BCO1: variants seen among roughly 807,000 people sequenced by gnomAD.
BCO1 encodes the protein beta-carotene oxygenase 1, also known as beta,beta-carotene 15,15'-dioxygenase.
BCO1 carries 54 observed loss-of-function variants against 56.3 expected under a neutral mutation model. That is an observed-to-expected ratio of 0.96 (90% CI 0.77 to 1.20). The LOEUF (loss-of-function observed/expected upper bound fraction) is 1.20, where lower values mean the gene tolerates loss of function less well. Among genes scored for constraint, BCO1 ranks in the 50% most tolerant of loss-of-function variants. The pLI is 0.00. For synonymous variants in BCO1, 318 were observed against 266.1 expected (o/e 1.20, Z -1.90); for missense variants, 801 against 690.9 (o/e 1.16, Z -1.79).
At chr16:81,281,976 CATG>C (rs1417324120) in intron 8 of BCO1, among the ~76,000 whole-genome samples, 1 of 152,242 alleles carries the variant, frequency 6.6e-6, no homozygotes, top group Non-Finnish European at 1.5e-5. Flanking sequence ...ATCAGCAGCA[CATG>C]ACACAAAGGC....
At chr16:81,275,872 C>T (rs1444709366) in intron 7 of BCO1, among the ~76,000 whole-genome samples, 3 of 151,968 alleles carry the variant, frequency 2.0e-5, no homozygotes, top group South Asian at 2.1e-4. Context: ...GGCCTGTTTA[C>T]GCAGGGCGGT....
At chr16:81,253,618 C>T (rs764726102) in intron 2 of BCO1, among the ~76,000 whole-genome samples, 1 of 152,114 alleles carries the variant, frequency 6.6e-6, no homozygotes, top group Admixed American at 6.6e-5. Context: ...GGCTCCTAAC[C>T]GTTCCTCCAT....
Position 81,270,509 on chromosome 16 carries a change from C to T in BCO1, c.1101+93C>T. The T allele has an allele frequency of 2.6e-6, 4 of 1,526,394 alleles. No homozygotes were observed. In the South Asian group the frequency reaches 3.4e-5, roughly 13 times the overall value. 94.6% of individuals were successfully genotyped at this position (1,526,394 alleles called of 1,614,324 possible). Reference sequence around the variant, plus strand: ...GCCCTTATTTGATTGACATTGAAATCCAAATGAACTGTTCTTGAAAAAAAA... The same window carrying T: ...GCCCTTATTTGATTGACATTGAAATTCAAATGAACTGTTCTTGAAAAAAAA... On this transcript the variant is annotated intron_variant, in intron 7 of 10. Transcript: ENST00000258168.
chr16:81,277,065 CAAAAA>C (rs34671497), intron 7 of BCO1, among the ~76,000 whole-genome samples: 1 of 95,374 alleles, frequency 1.0e-5, no homozygotes, highest in Non-Finnish European at 2.1e-5. Context: ...GACTCGGTCT[CAAAAA>C]AAAAAAAAAA....
Position 81,268,075 on chromosome 16 carries a change from G to T in BCO1, c.787G>T (p.Ala263Ser). The change falls in exon 6 of 11, where the codon GCA (alanine) becomes TCA (serine). Residue 263 changes from alanine (A) to serine (S), a missense_variant. Coordinates refer to ENST00000258168, the MANE Select transcript of BCO1 (RefSeq NM_017429.3). ...GTTGGATATTCTCAAGATGGCAACC[G>T]CATACATCCGGAGAATGAGCTGGGC... Reference protein sequence around the residue: ...FRLDILKMATAYIRRMSWASC... With the variant: ...FRLDILKMATSYIRRMSWASC... 1.2e-6 allele frequency: 2 copies of T among 1,612,816 alleles called. No homozygotes were observed. The highest frequency in any genetic ancestry group is 1.7e-6 in the Non-Finnish European group (2 of 1,180,008).
rs1904969936 is a variant in BCO1, at chr16:81,238,727, A to T, written c.-182A>T. 1.5e-6 allele frequency: 1 copy of T among 673,704 alleles called. No homozygotes were observed. Among genetic ancestry groups the T allele is most frequent in the Non-Finnish European group, 2.7e-6 (1 of 365,346 alleles). 41.7% of individuals were successfully genotyped at this position (673,704 alleles called of 1,614,324 possible). A position where few individuals can be genotyped will look rare whatever the true frequency, so the allele number is the denominator to read the frequency against. ...GATCCAGGGCTCTTGGAGAGGGACA[A>T]GTGAGAGCCAGCCAAAAAGGAAAAA... On this transcript the variant is annotated 5_prime_UTR_variant, in exon 1 of 11. It adds an upstream start codon to the 5' untranslated region. Transcript: ENST00000258168.
chr16:81,262,160 C>T lies in BCO1; in HGVS notation c.348C>T (p.Thr116=), dbSNP rs759672104. ...FSKAFSYLSH[T]IPDFTDNCLI... Reference sequence around the variant, plus strand: ...GAGCTTTCTCCTACTTGTCTCACACCATCCCCGATTTCACCGACAACTGCC... The same window carrying T: ...GAGCTTTCTCCTACTTGTCTCACACTATCCCCGATTTCACCGACAACTGCC... The change falls in exon 4 of 11, where the codon ACC becomes ACT. Residue 116 remains threonine (T), a synonymous_variant. Transcript: ENST00000258168. 3 of 1,614,004 alleles carry T rather than the reference C, an allele frequency of 1.9e-6. No homozygotes were observed. In the South Asian group the frequency reaches 3.3e-5, roughly 18 times the overall value.
At chr16:81,256,141 C>T (rs771441993) in intron 2 of BCO1, among the ~76,000 whole-genome samples, 1 of 151,336 alleles carries the variant, frequency 6.6e-6, no homozygotes, top group African/African-American at 2.4e-5. Flanking sequence ...CCAGCGAATG[C>T]ATTTCTGGTT....
chr16:81,282,389 AAAAAAC>A (rs1257798869), intron 8 of BCO1, among the ~76,000 whole-genome samples: 2 of 152,120 alleles, frequency 1.3e-5, no homozygotes, highest in African/African-American at 4.8e-5. Context: ...AACAAAAAAC[AAAAAAC>A]AAAAACAAAA....
In BCO1 at chr16:81,244,752, G is replaced by A. The variant is rs149134879; in HGVS notation, c.65-723G>A. Among the ~76,000 whole-genome samples, 552 of 143,652 alleles carry A rather than the reference G, an allele frequency of 3.8e-3. 2 individuals are homozygous for A. The highest frequency in any genetic ancestry group is 0.013 in the African/African-American group (509 of 38,024). 94.2% of individuals were successfully genotyped at this position (143,652 alleles called of 152,430 possible). ...TTTTTTTTTTAATTTTTTGAGACAA[G>A]GTCTTGCTCTGTTGCCCAGGCTGGA... On this transcript the variant is annotated intron_variant, in intron 1 of 10. Coordinates refer to ENST00000258168, the MANE Select transcript of BCO1 (RefSeq NM_017429.3).
chr16:81,250,817 G>A (rs1228170354), intron 2 of BCO1, among the ~76,000 whole-genome samples: 3 of 152,138 alleles, frequency 2.0e-5, no homozygotes, highest in Admixed American at 6.6e-5. Flanking sequence ...CTGACCTCAG[G>A]TGATCCACTT....
At chr16:81,266,788 G>A (rs9936743) in intron 5 of BCO1, among the ~76,000 whole-genome samples, 7 of 152,096 alleles carry the variant, frequency 4.6e-5, no homozygotes, top group South Asian at 4.1e-4. Flanking sequence ...CCATGCTGGC[G>A]GTGGCACTGC....
At chr16:81,246,353 A>T (rs1256140063) in intron 2 of BCO1, among the ~76,000 whole-genome samples, 1 of 152,146 alleles carries the variant, frequency 6.6e-6, no homozygotes, top group Non-Finnish European at 1.5e-5. Flanking sequence ...CACACATTCA[A>T]CAGGTTCTAG....
chr16:81,261,787 G>T, intron 3 of BCO1: 1 of 309,174 alleles, frequency 3.2e-6, no homozygotes, highest in Non-Finnish European at 6.3e-6. Context: ...TTTCGCCCAG[G>T]CTGGAGTGTA....
chr16:81,289,156 C>T (rs151109105), intron 10 of BCO1, among the ~76,000 whole-genome samples: 37 of 152,308 alleles, frequency 2.4e-4, no homozygotes, highest in African/African-American at 7.0e-4. Context: ...CTGACCTCAA[C>T]GATGCTCAAC....
chr16:81,245,288 T>C (rs183212030), intron 1 of BCO1, among the ~76,000 whole-genome samples, 187 bp from the exon 2 acceptor site: 2 of 152,340 alleles, frequency 1.3e-5, no homozygotes, highest in Non-Finnish European at 2.9e-5. Flanking sequence ...GTCTCCATCT[T>C]GGTATCCTCA....
At chr16:81,261,065 T>C (rs1341912819) in intron 3 of BCO1, among the ~76,000 whole-genome samples, 1 of 152,178 alleles carries the variant, frequency 6.6e-6, no homozygotes, top group East Asian at 1.9e-4. Flanking sequence ...AAGCACTGAA[T>C]TCACATTTGC....
At chr16:81,285,723 G>GA (rs1908142598) in intron 9 of BCO1, 89 bp downstream of exon 9, 4 of 1,010,238 alleles carry the variant, frequency 4.0e-6, no homozygotes, top group Non-Finnish European at 6.3e-6. Context: ...ACGTTGATTA[G>GA]AAAAGAGGAG....
intron 1 of BCO1, 116 bp downstream of exon 1, chr16:81,239,088 C>A: frequency 1.2e-6 from 1 of 827,740 alleles, no homozygotes; most frequent in Non-Finnish European, 1.9e-6. Flanking sequence ...TTGATCTCGG[C>A]CCACTGCAAC....
Sources: gnomAD v4.1 joint callset for allele counts (sites outside exome capture counted in the v4.1 genomes callset) on GRCh38, gnomAD v4.1.1 for gene constraint, MANE v1.5 for transcripts, NCBI Gene and HGNC (gene_info 2026-07-23, HGNC 2026-07-21) for gene names.